Variants in PMPCB observed in about 807,000 individuals in gnomAD.
PMPCB encodes the protein mitochondrial-processing peptidase subunit beta.
PMPCB carries 46 observed loss-of-function variants against 61.5 expected under a neutral mutation model. The observed-to-expected ratio is 0.75, with a 90% CI of 0.59 to 0.96. The LOEUF (loss-of-function observed/expected upper bound fraction) is 0.96, where lower values mean the gene tolerates loss of function less well. Ranked by LOEUF, PMPCB falls within the 40% of genes least tolerant of loss-of-function variation. The pLI, the probability that PMPCB is intolerant of heterozygous loss-of-function variation, is 0.00. For synonymous variants in PMPCB, 191 were observed against 201.6 expected, an observed-to-expected ratio of 0.95 and a Z score of 0.44; for missense variants, 590 against 602.4, an observed-to-expected ratio of 0.98 and a Z score of 0.22.
At chr7:103,306,537 C>T (rs921881436) in intron 6 of PMPCB, among the ~76,000 whole-genome samples, 1 of 152,090 alleles carries the variant, frequency 6.6e-6, no homozygotes, top group African/African-American at 2.4e-5. Context: ...CATTTGCCAT[C>T]ACACCTGACT....
At position 103,313,248 on chromosome 7, in the gene PMPCB, G is replaced by C. The variant is rs1817857248; in HGVS notation, c.*977G>C. 1 of 1,396,166 alleles carries C rather than the reference G, an allele frequency of 7.2e-7. No homozygotes were observed. The highest frequency in any genetic ancestry group is 9.3e-7 in the Non-Finnish European group (1 of 1,078,488). The allele number at this position is 1,396,166 out of a possible 1,614,324, so 86.5% of individuals were successfully genotyped here. A position where few individuals can be genotyped will look rare whatever the true frequency, so the allele number is the denominator to read the frequency against. On this transcript the variant is annotated 3_prime_UTR_variant, in exon 13 of 13. Coordinates refer to ENST00000249269, the MANE Select transcript of PMPCB (RefSeq NM_004279.3). ...CTTGTAGAGATGAGAGATACATATA[G>C]CCCTCTGAGTGTTAATAAGAGAAAA...
the PMPCB span, chr7:103,341,724 C>G: frequency 6.8e-7 from 1 of 1,467,056 alleles, no homozygotes; most frequent in South Asian, 1.4e-5. Flanking sequence ...CTATGTCTAA[C>G]AAAGCATCTG....
chr7:103,334,670 A>G, the PMPCB span, among the ~76,000 whole-genome samples: 98 of 151,464 alleles, frequency 6.5e-4, no homozygotes, highest in Non-Finnish European at 1.1e-3. Flanking sequence ...TTGGTCTTGA[A>G]CTCCTGAGCT....
In PMPCB at chr7:103,304,440, A is replaced by C. The variant is rs772821429; in HGVS notation, c.686A>C (p.Tyr229Ser). The C allele has an allele frequency of 6.2e-7, 1 of 1,605,620 alleles. No individual in the cohort carries two copies. The highest frequency in any genetic ancestry group is 8.5e-7 in the Non-Finnish European group (1 of 1,172,190). ...KSISRKDLVD[Y>S]ITTHYKGPRI... ...ATAAGTCGTAAGGACTTAGTGGATTATATAACCACACATTATAAGGGGCCA... is the reference window on the plus strand; with the variant it reads ...ATAAGTCGTAAGGACTTAGTGGATTCTATAACCACACATTATAAGGGGCCA... The change falls in exon 6 of 13, where the codon TAT becomes TCT. Residue 229 changes from tyrosine to serine, a missense_variant. By Grantham distance (144) the Tyr-to-Ser change is moderately radical. Coordinates refer to ENST00000249269, the MANE Select transcript of PMPCB (RefSeq NM_004279.3).
Position 103,297,494 on chromosome 7 carries a change from C to T in PMPCB, c.35C>T (p.Ser12Phe). The T allele has an allele frequency of 1.9e-6, 3 of 1,572,910 alleles. No individual in the cohort carries two copies. Among genetic ancestry groups the T allele is most frequent in the Non-Finnish European group, 2.6e-6 (3 of 1,158,948 alleles). ...AAAAARVVLS[S>F]AARRRLWGFS... is the part of the protein sequence containing the mutation. The stretch of plus-strand genomic sequence containing the variant: ...GCGGCGGCTCGAGTGGTGTTGTCAT[C>T]CGCGGCGCGGCGGCGGCTCTGGGGT... Residue 12 changes from serine (S) to phenylalanine (F), a missense_variant, in exon 1 of 13, where the codon TCC (serine) becomes TTC (phenylalanine). Physicochemically the swap from Ser to Phe is radical, Grantham distance 155. Transcript: ENST00000249269.
rs747559566 is a variant in PMPCB, at chr7:103,303,824, T to C, written c.458-18T>C. On this transcript the variant is annotated intron_variant, in intron 4 of 12. Coordinates refer to ENST00000249269, the MANE Select transcript of PMPCB (RefSeq NM_004279.3). The stretch of plus-strand genomic sequence containing the variant: ...TTAAGATTGCTGGCACGTTTTCTTA[T>C]ATTTTATTTTCAATTAGCTGTAGAA... 3 of 1,554,398 alleles carry C rather than the reference T, an allele frequency of 1.9e-6. No homozygotes were observed. The highest frequency in any genetic ancestry group is 2.8e-5 in the African/African-American group (2 of 72,248).
the PMPCB span, among the ~76,000 whole-genome samples, chr7:103,342,929 G>C: frequency 1.3e-5 from 2 of 150,994 alleles, no homozygotes; most frequent in Non-Finnish European, 3.0e-5. Context: ...TTTTAATAAA[G>C]TAATAAATAG....
chr7:103,347,388 G>A, the PMPCB span: 11 of 197,078 alleles, frequency 5.6e-5, no homozygotes, highest in African/African-American at 1.8e-4. Context: ...TGTGTGGTAG[G>A]AGTTCTTTAT....
the PMPCB span, chr7:103,341,997 G>A: frequency 2.9e-6 from 4 of 1,376,026 alleles, no homozygotes; most frequent in Non-Finnish European, 3.9e-6. Flanking sequence ...GTATCGCATG[G>A]AATAAATATG....
At chr7:103,332,137 T>A (rs1343903042), downstream of PMPCB, among the ~76,000 whole-genome samples, 1 of 151,994 alleles carries the variant, frequency 6.6e-6, no homozygotes, top group Non-Finnish European at 1.5e-5. Context: ...CCCGAGTAGC[T>A]GGGACTACAG....
At chr7:103,344,295 T>C in the PMPCB span, 1 of 534,026 alleles carries the variant, frequency 1.9e-6, no homozygotes, top group Admixed American at 3.5e-5. Flanking sequence ...CGTCCCGAAA[T>C]GCTCAGCCCA....
At chr7:103,346,797 A>C in the PMPCB span, among the ~76,000 whole-genome samples, 2 of 150,638 alleles carry the variant, frequency 1.3e-5, no homozygotes, top group Non-Finnish European at 2.9e-5. Context: ...CTAGAATTTC[A>C]TTCCTTTTTA....
chr7:103,341,998 A>G, the PMPCB span: 3 of 1,383,040 alleles, frequency 2.2e-6, no homozygotes, highest in South Asian at 5.2e-5. Flanking sequence ...TATCGCATGG[A>G]ATAAATATGT....
chr7:103,320,746 A>AAT (rs760613846), intron 12 of PMPCB: 60 of 118,358 alleles, frequency 5.1e-4, no homozygotes, highest in East Asian at 1.2e-3. Flanking sequence ...TCTGTCACAA[A>AAT]ATATATATAT....
intron 3 of PMPCB, among the ~76,000 whole-genome samples, chr7:103,299,933 T>C (rs1372787114): frequency 6.6e-6 from 1 of 152,174 alleles, no homozygotes; most frequent in Non-Finnish European, 1.5e-5. Context: ...TATGTTTGTT[T>C]GTTTTTTCAT....
Position 103,314,277 on chromosome 7 carries a change from AAAAT to A in PMPCB, c.*2011_*2014del. 1 of 985,442 alleles carries A rather than the reference AAAAT, an allele frequency of 1.0e-6. No homozygotes were observed. Among genetic ancestry groups the A allele is most frequent in the Non-Finnish European group, 1.2e-6 (1 of 829,920 alleles). 61.0% of individuals were successfully genotyped at this position (985,442 alleles called of 1,614,324 possible). A position where few individuals can be genotyped will look rare whatever the true frequency, so the allele number is the denominator to read the frequency against. ...TGTTCTCCAGTTACTTCACAATACC[AAAAT>A]AAATTAAACGTACTGTTGCAAAACT... On this transcript the variant is annotated 3_prime_UTR_variant, in exon 13 of 13. Coordinates refer to ENST00000249269, the MANE Select transcript of PMPCB (RefSeq NM_004279.3).
intron 12 of PMPCB, among the ~76,000 whole-genome samples, chr7:103,328,624 C>G (rs1818834639): frequency 6.6e-6 from 1 of 150,622 alleles, no homozygotes; most frequent in Non-Finnish European, 1.5e-5. Flanking sequence ...GAGTGAGACT[C>G]TGTGTCAAAA....
At chr7:103,324,639 A>G in intron 12 of PMPCB, 2 of 1,207,376 alleles carry the variant, frequency 1.7e-6, no homozygotes, top group Non-Finnish European at 2.2e-6. Context: ...TTAATTTATT[A>G]AAAACAATAA....
intron 12 of PMPCB, chr7:103,327,376 A>T: frequency 8.1e-7 from 1 of 1,239,108 alleles, no homozygotes; most frequent in South Asian, 1.3e-5. Flanking sequence ...TCACCTGGGG[A>T]TCCTGTTAAA....
Sources: gnomAD v4.1 joint callset for allele counts (sites outside exome capture counted in the v4.1 genomes callset) on GRCh38, gnomAD v4.1.1 for gene constraint, MANE v1.5 for transcripts, NCBI Gene and HGNC (gene_info 2026-07-23, HGNC 2026-07-21) for gene names.